Variants in MAGI2 observed in about 807,000 individuals in gnomAD.
MAGI2 encodes the protein membrane-associated guanylate kinase, WW and PDZ domain-containing protein 2.
A neutral mutation model predicts 133.3 loss-of-function variants in MAGI2; 35 were observed. The observed-to-expected ratio is 0.26, with a 90% CI of 0.20 to 0.35. The LOEUF is 0.35. Ranked by LOEUF, MAGI2 falls within the 10% of genes least tolerant of loss-of-function variation. MAGI2 has a pLI of 1.00. For synonymous variants in MAGI2, 729 were observed against 710.6 expected, an observed-to-expected ratio of 1.03 and a Z score of -0.41; for missense variants, 1,636 against 1,863.4, an observed-to-expected ratio of 0.88 and a Z score of 2.25.
chr7:79,144,225 C>G (rs1479123791), intron 1 of MAGI2, among the ~76,000 whole-genome samples: 1 of 152,166 alleles, frequency 6.6e-6, no homozygotes, highest in Non-Finnish European at 1.5e-5. Context: ...ATATGTATAA[C>G]AGGGAGAACT....
chr7:78,979,391 A>G (rs564632757), intron 2 of MAGI2, among the ~76,000 whole-genome samples: 11 of 151,952 alleles, frequency 7.2e-5, no homozygotes, highest in Middle Eastern at 6.8e-3. Context: ...AAAGTGACAC[A>G]AAAGCCAAAT....
At chr7:78,177,414 A>ACG (rs200364936) in intron 14 of MAGI2, among the ~76,000 whole-genome samples, 2 of 85,720 alleles carry the variant, frequency 2.3e-5, no homozygotes, top group East Asian at 3.7e-4. Context: ...CACTGTGAAT[A>ACG]CGCGCACACA....
chr7:79,435,753 A>T (rs1484870318), intron 1 of MAGI2, among the ~76,000 whole-genome samples: 1 of 152,206 alleles, frequency 6.6e-6, no homozygotes, highest in East Asian at 1.9e-4. Flanking sequence ...AGAATTAGAA[A>T]CAAAATTTAT....
intron 21 of MAGI2, among the ~76,000 whole-genome samples, chr7:78,064,040 T>C (rs558605471): frequency 6.6e-6 from 1 of 152,196 alleles, no homozygotes; most frequent in Non-Finnish European, 1.5e-5. Flanking sequence ...CTCATCCCCA[T>C]GGATTACAGA....
intron 2 of MAGI2, among the ~76,000 whole-genome samples, chr7:78,978,189 A>G (rs1208849143): frequency 6.6e-6 from 1 of 151,816 alleles, no homozygotes; most frequent in Admixed American, 6.6e-5. Flanking sequence ...ATTGACTCGA[A>G]AACTTATGTT....
In MAGI2 at chr7:79,453,068, C is replaced by T; in HGVS notation, c.253G>A (p.Val85Met). 6.2e-7 allele frequency: 1 copy of T among 1,612,020 alleles called. No individual in the cohort carries two copies. ...AGLTIRDVLA[V>M]IKHCKDPLRL... is the part of the protein sequence containing the mutation. ...AGGGGGTCCTTGCAGTGTTTGATCACGGCCAGCACGTCCCTGATGGTGAGC... is the reference window on the plus strand; with the variant it reads ...AGGGGGTCCTTGCAGTGTTTGATCATGGCCAGCACGTCCCTGATGGTGAGC... The change falls in exon 1 of 22, where the codon GTG (valine) becomes ATG (methionine). Residue 85 changes from valine (V) to methionine (M), a missense_variant. This residue lies in a region of MAGI2 where 148 missense variants were observed against 239.0 expected (regional missense o/e 0.62). Coordinates refer to ENST00000354212, the MANE Select transcript of MAGI2 (RefSeq NM_012301.4).
intron 2 of MAGI2, among the ~76,000 whole-genome samples, chr7:78,823,561 T>C (rs1268867604): frequency 2.6e-5 from 3 of 117,452 alleles, no homozygotes; most frequent in African/African-American, 1.0e-4. Flanking sequence ...CCAGCCTGGG[T>C]GACAGCGAGA....
chr7:78,948,181 A>G (rs1195119381), intron 2 of MAGI2, among the ~76,000 whole-genome samples: 1 of 152,114 alleles, frequency 6.6e-6, no homozygotes, highest in Non-Finnish European at 1.5e-5. Context: ...CTTGAAAATT[A>G]AATATATGTT....
chr7:78,637,865 C>G (rs1051262852), intron 2 of MAGI2, among the ~76,000 whole-genome samples: 2 of 152,052 alleles, frequency 1.3e-5, no homozygotes, highest in Admixed American at 1.3e-4. Flanking sequence ...CTTTGGAAGG[C>G]TAAGGAGTTT....
At chr7:78,896,303 C>T (rs1797208001) in intron 2 of MAGI2, among the ~76,000 whole-genome samples, 2 of 151,822 alleles carry the variant, frequency 1.3e-5, no homozygotes, top group African/African-American at 4.8e-5. Context: ...AGTTGTTCTA[C>T]CTAGAGTTTT....
intron 1 of MAGI2, among the ~76,000 whole-genome samples, chr7:79,232,769 A>G (rs1831491995): frequency 9.5e-6 from 1 of 105,640 alleles, no homozygotes; most frequent in Non-Finnish European, 1.9e-5. Context: ...AATTTTTTGA[A>G]GGGTTTTTTG....
chr7:78,573,232 A>AT, intron 3 of MAGI2, among the ~76,000 whole-genome samples: 2 of 59,520 alleles, frequency 3.4e-5, no homozygotes, highest in African/African-American at 2.1e-4. Context: ...ATATAAATAT[A>AT]AATATATATA....
At chr7:79,065,768 T>C (rs569380297) in intron 1 of MAGI2, among the ~76,000 whole-genome samples, 62 of 152,274 alleles carry the variant, frequency 4.1e-4, no homozygotes, top group African/African-American at 1.4e-3. Context: ...TGTCCATGTG[T>C]TCTCATTGCT....
intron 9 of MAGI2, among the ~76,000 whole-genome samples, chr7:78,289,472 T>A (rs1452141867): frequency 6.6e-6 from 1 of 152,164 alleles, no homozygotes; most frequent in African/African-American, 2.4e-5. Flanking sequence ...ACTCTACATC[T>A]GATTGGTGTA....
intron 1 of MAGI2, among the ~76,000 whole-genome samples, chr7:79,181,261 G>A (rs867119868): frequency 2.0e-5 from 3 of 151,990 alleles, no homozygotes; most frequent in African/African-American, 7.3e-5. Flanking sequence ...TGAGGGCCCT[G>A]CCACTGCAGC....
chr7:79,069,710 T>C (rs1422068372), intron 1 of MAGI2, among the ~76,000 whole-genome samples: 1 of 152,250 alleles, frequency 6.6e-6, no homozygotes, highest in Non-Finnish European at 1.5e-5. Context: ...TGATGGTCTT[T>C]ACAATTTGGT....
chr7:78,324,594 C>A (rs182151101), intron 9 of MAGI2, among the ~76,000 whole-genome samples: 2 of 152,098 alleles, frequency 1.3e-5, no homozygotes, highest in Non-Finnish European at 2.9e-5. Context: ...TCAATAAACT[C>A]TCAGTGAATG....
intron 6 of MAGI2, among the ~76,000 whole-genome samples, chr7:78,448,936 T>C (rs1788434221): frequency 6.6e-6 from 1 of 151,964 alleles, no homozygotes; most frequent in Non-Finnish European, 1.5e-5. Context: ...GAGCGAAATC[T>C]TTTACCTTGC....
chr7:78,614,460 GTTGC>G (rs1806847826), intron 3 of MAGI2: 1 of 152,042 alleles, frequency 6.6e-6, no homozygotes, highest in Non-Finnish European at 1.5e-5. Context: ...ACATTCATTA[GTTGC>G]TTTACAAATA....
Sources: allele counts gnomAD v4.1 joint callset (sites outside exome capture counted in the v4.1 genomes callset), GRCh38; gene constraint gnomAD v4.1.1; regional missense constraint gnomAD v4.1.1; transcripts MANE v1.5; gene names NCBI Gene and HGNC (gene_info 2026-07-23, HGNC 2026-07-21).